The following CTTNBP2 variants were observed in gnomAD, a reference collection of about 807,000 sequenced individuals.
The protein encoded by CTTNBP2 is cortactin-binding protein 2.
A neutral mutation model predicts 156.9 loss-of-function variants in CTTNBP2; 108 were observed. The ratio of observed to expected loss-of-function variants is 0.69; its 90% CI spans 0.59 to 0.81. The LOEUF (loss-of-function observed/expected upper bound fraction) is 0.81. CTTNBP2 is among the 30% of genes least tolerant of loss of function. CTTNBP2 has a pLI of 0.00. For missense variants in CTTNBP2, 1,924 were observed against 2,035.4 expected (o/e 0.95, Z 1.05); for synonymous variants, 767 against 751.8 (o/e 1.02, Z -0.33).
chr7:117,722,592 G>A (rs1794865028), intron 19 of CTTNBP2, among the ~76,000 whole-genome samples: 1 of 152,076 alleles, frequency 6.6e-6, no homozygotes, highest in South Asian at 2.1e-4. Flanking sequence ...GCGTAATATA[G>A]TTTTCTGATC....
intron 14 of CTTNBP2, among the ~76,000 whole-genome samples, chr7:117,739,698 C>G (rs1205599148): frequency 1.3e-5 from 2 of 152,212 alleles, no homozygotes; most frequent in Non-Finnish European, 2.9e-5. Context: ...TCTCCCCTTT[C>G]AGGACAGAAA....
chr7:117,776,938 C>T (rs1245612040), intron 8 of CTTNBP2, among the ~76,000 whole-genome samples: 6 of 152,218 alleles, frequency 3.9e-5, no homozygotes, highest in African/African-American at 1.2e-4. Flanking sequence ...TTATTGCTAA[C>T]ACATATTAAT....
intron 2 of CTTNBP2, among the ~76,000 whole-genome samples, chr7:117,818,788 C>A (rs1800776151): frequency 6.6e-6 from 1 of 152,186 alleles, no homozygotes; most frequent in Admixed American, 6.5e-5. Flanking sequence ...TATCTGAAAG[C>A]ATTTTATGTT....
intron 6 of CTTNBP2, 114 bp downstream of exon 6, chr7:117,782,748 T>C: frequency 1.6e-6 from 1 of 643,550 alleles, no homozygotes; most frequent in Non-Finnish European, 2.7e-6. Flanking sequence ...GTGAATTTAT[T>C]TGCCAGTGAT....
At position 117,792,384 on chromosome 7, in the gene CTTNBP2, C is replaced by G; in HGVS notation, c.812G>C (p.Arg271Thr). Residue 271 changes from arginine (R) to threonine (T), a missense_variant, in exon 4 of 23, where the codon AGG (arginine) becomes ACG (threonine). Coordinates refer to ENST00000160373, the MANE Select transcript of CTTNBP2 (RefSeq NM_033427.3). This position sits in a 1 kb window ranked among gnomAD's most constrained non-coding sequence, Gnocchi z 4.2. ...KMRKMIEQLK[R>T]GSDSKPSLSL... is the part of the protein sequence containing the mutation. ...GAGGCTTGGTTTGCTGTCACTTCCC[C>G]TTTTCAGTTGCTCAATCATTTTCCT... 2.5e-6 allele frequency: 4 copies of G among 1,614,174 alleles called. No individual in the cohort carries two copies. The highest frequency in any genetic ancestry group is 1.3e-5 in the African/African-American group (1 of 75,032).
At chr7:117,846,981 A>G (rs189664468) in intron 2 of CTTNBP2, among the ~76,000 whole-genome samples, 9 of 152,340 alleles carry the variant, frequency 5.9e-5, no homozygotes, top group Non-Finnish European at 1.2e-4. Context: ...GTTACAACGT[A>G]AAGACAAATT....
chr7:117,762,327 TC>T (rs1411423382), intron 9 of CTTNBP2, among the ~76,000 whole-genome samples: 1 of 152,108 alleles, frequency 6.6e-6, no homozygotes, highest in Non-Finnish European at 1.5e-5. Flanking sequence ...AAATCTGAAC[TC>T]CCCAACTACA....
chr7:117,719,335 T>C (rs1045364555), intron 21 of CTTNBP2, among the ~76,000 whole-genome samples, 169 bp downstream of exon 21: 7 of 152,236 alleles, frequency 4.6e-5, no homozygotes, highest in African/African-American at 1.4e-4. Context: ...CTTTATTGTA[T>C]AAATGATATT....
intron 2 of CTTNBP2, among the ~76,000 whole-genome samples, chr7:117,849,324 C>T (rs527639591): frequency 4.3e-4 from 66 of 152,294 alleles, no homozygotes; most frequent in Admixed American, 2.7e-3. Context: ...TGTGGAAACA[C>T]GGAATGGAAC....
chr7:117,769,080 T>C (rs990188367), intron 8 of CTTNBP2, among the ~76,000 whole-genome samples: 1 of 152,218 alleles, frequency 6.6e-6, no homozygotes, highest in Non-Finnish European at 1.5e-5. Context: ...GCACAGAGCA[T>C]GAACATGTTC....
chr7:117,737,959 G>A (rs1017131382), intron 14 of CTTNBP2, among the ~76,000 whole-genome samples: 7 of 152,172 alleles, frequency 4.6e-5, no homozygotes, highest in African/African-American at 9.7e-5. Context: ...GGAATACGGC[G>A]TCAGATCAAG....
chr7:117,858,009 T>C (rs1803444165), intron 2 of CTTNBP2, among the ~76,000 whole-genome samples: 1 of 152,218 alleles, frequency 6.6e-6, no homozygotes, highest in Non-Finnish European at 1.5e-5. Flanking sequence ...CATTATTACC[T>C]ACTGTAAAAA....
chr7:117,833,828 C>A (rs1049531875), intron 2 of CTTNBP2, among the ~76,000 whole-genome samples: 1 of 152,174 alleles, frequency 6.6e-6, no homozygotes, highest in African/African-American at 2.4e-5. Context: ...GTGTCCATTG[C>A]TAATGCCAGT....
Position 117,871,793 on chromosome 7 carries a change from C to CCACA in CTTNBP2, c.81+1538_81+1541dup, listed in dbSNP as rs10545703. 27 of 213,434 alleles carry CCACA rather than the reference C, an allele frequency of 1.3e-4. 1 individual carries two copies. The highest frequency in any genetic ancestry group is 5.9e-4 in the South Asian group (3 of 5,052). 13.2% of individuals were successfully genotyped at this position (213,434 alleles called of 1,614,324 possible). Reference sequence around the variant, plus strand: ...ACCTTTCTGGGGAACAAGAAACACACCACACACACACACACACACACACAC... The same window carrying CCACA: ...ACCTTTCTGGGGAACAAGAAACACACCACACACACACACACACACACACACACAC... On this transcript the variant is annotated intron_variant, in intron 1 of 22. Coordinates refer to ENST00000160373, the MANE Select transcript of CTTNBP2 (RefSeq NM_033427.3).
intron 8 of CTTNBP2, among the ~76,000 whole-genome samples, chr7:117,771,985 C>G (rs993703932): frequency 6.6e-6 from 1 of 152,116 alleles, no homozygotes; most frequent in African/African-American, 2.4e-5. Context: ...ATTGGCCGGT[C>G]ACACGTGGTC....
At chr7:117,831,542 T>C (rs995858326) in intron 2 of CTTNBP2, among the ~76,000 whole-genome samples, 3 of 152,164 alleles carry the variant, frequency 2.0e-5, no homozygotes, top group African/African-American at 4.8e-5. Context: ...TACTGTGAGC[T>C]TGGGTCCATC....
intron 4 of CTTNBP2, among the ~76,000 whole-genome samples, chr7:117,790,500 G>A (rs1395691819): frequency 1.3e-5 from 2 of 151,940 alleles, no homozygotes; most frequent in East Asian, 3.9e-4. Context: ...ATCTGTGCCC[G>A]AGTGTTGGAA....
chr7:117,769,407 G>A (rs1797689875), intron 8 of CTTNBP2, among the ~76,000 whole-genome samples: 1 of 152,174 alleles, frequency 6.6e-6, no homozygotes, highest in Admixed American at 6.5e-5. Context: ...AAGAAAATCT[G>A]CCTGCTTGCA....
rs1487948937 is a variant in CTTNBP2 at position 117,724,573 on chromosome 7, C to G, written c.4421G>C (p.Trp1474Ser). 1 of 1,613,726 alleles carries G rather than the reference C, an allele frequency of 6.2e-7. No individual in the cohort carries two copies. Among genetic ancestry groups the G allele is most frequent in the Non-Finnish European group, 8.5e-7 (1 of 1,180,012 alleles). Residue 1474 changes from tryptophan (W) to serine (S), a missense_variant, in exon 19 of 23, where the codon TGG becomes TCG. Physicochemically the swap from Trp to Ser is radical, Grantham distance 177. Coordinates refer to ENST00000160373, the MANE Select transcript of CTTNBP2 (RefSeq NM_033427.3). ...RKSGRFSLPTWNKPDLSTEGM... is the reference protein window; with the variant it reads ...RKSGRFSLPTSNKPDLSTEGM... ...TTCAGTGCTTAGGTCTGGCTTATTC[C>G]AGGTGGGTAAAGAGAAGCGGCCAGA... is the stretch of plus-strand genomic sequence containing the variant.
Sources: allele counts gnomAD v4.1 joint callset (sites outside exome capture counted in the v4.1 genomes callset), GRCh38; gene constraint gnomAD v4.1.1; non-coding constraint Gnocchi (gnomAD v3.1); transcripts MANE v1.5; gene names NCBI Gene and HGNC (gene_info 2026-07-23, HGNC 2026-07-21).